The following MGMT variants were observed in gnomAD, a reference collection of about 807,000 sequenced individuals.
MGMT encodes the protein methylated-DNA--protein-cysteine methyltransferase.
In MGMT, 14 loss-of-function variants were observed where a neutral mutation model predicts 15.9. The observed-to-expected ratio is 0.88, with a 90% CI of 0.58 to 1.37. The LOEUF (loss-of-function observed/expected upper bound fraction) is 1.37, where lower values mean the gene tolerates loss of function less well. MGMT is among the 40% of genes most tolerant of loss of function. The pLI is 0.00. For missense variants in MGMT, 282 were observed against 268.1 expected (o/e 1.05, Z -0.36); for synonymous variants, 130 against 118.2 (o/e 1.10, Z -0.65).
At chr10:129,615,461 A>G (rs1847014114) in intron 2 of MGMT, among the ~76,000 whole-genome samples, 1 of 152,112 alleles carries the variant, frequency 6.6e-6, no homozygotes, top group African/African-American at 2.4e-5. Context: ...TCATCTCCAG[A>G]GTCATCTGAC....
intron 4 of MGMT, among the ~76,000 whole-genome samples, chr10:129,766,374 C>T (rs539338864): frequency 6.6e-6 from 1 of 152,204 alleles, no homozygotes; most frequent in African/African-American, 2.4e-5. Flanking sequence ...CTGATGCGTC[C>T]TGTGATGCCT....
chr10:129,658,896 G>C (rs557951001), intron 2 of MGMT, among the ~76,000 whole-genome samples: 4 of 152,130 alleles, frequency 2.6e-5, no homozygotes, highest in African/African-American at 9.7e-5. Flanking sequence ...ACTGTAAGCT[G>C]TAGCATTCAA....
At chr10:129,511,671 G>A (rs776858123) in intron 1 of MGMT, among the ~76,000 whole-genome samples, 59 of 152,280 alleles carry the variant, frequency 3.9e-4, no homozygotes, top group Non-Finnish European at 7.4e-4. Context: ...GACCTTCCCA[G>A]GGCTATTGGG....
chr10:129,639,538 A>G (rs1847303296), intron 2 of MGMT, among the ~76,000 whole-genome samples: 1 of 152,240 alleles, frequency 6.6e-6, no homozygotes, highest in Admixed American at 6.5e-5. Context: ...AATACACTTA[A>G]CAAAGGCCAA....
chr10:129,592,496 A>G (rs1846698280), intron 2 of MGMT, among the ~76,000 whole-genome samples: 1 of 152,226 alleles, frequency 6.6e-6, no homozygotes, highest in Admixed American at 6.5e-5. Context: ...ATGCCTGGGT[A>G]AAAATCCAAA....
At chr10:129,473,022 T>C (rs1464254223) in intron 1 of MGMT, among the ~76,000 whole-genome samples, 3 of 152,210 alleles carry the variant, frequency 2.0e-5, no homozygotes, top group Non-Finnish European at 4.4e-5. Flanking sequence ...CAGGTGGGCT[T>C]CATGTGTGCT....
intron 3 of MGMT, among the ~76,000 whole-genome samples, chr10:129,733,946 T>C (rs1270648450): frequency 6.6e-6 from 1 of 151,938 alleles, no homozygotes; most frequent in Non-Finnish European, 1.5e-5. Flanking sequence ...AGTACCATGC[T>C]GTTTTGGTTA....
intron 3 of MGMT, among the ~76,000 whole-genome samples, chr10:129,747,638 T>C (rs1848709462): frequency 6.6e-6 from 1 of 152,238 alleles, no homozygotes; most frequent in Admixed American, 6.5e-5. Context: ...ATTAGTACGG[T>C]ACATGTGTTA....
In MGMT at chr10:129,768,171, A is replaced by G. The variant is rs1848960484; in HGVS notation, c.*1174A>G. 6.6e-6 allele frequency among the ~76,000 whole-genome samples: 1 copy of G among 152,240 alleles called. No homozygotes were observed. Among genetic ancestry groups the G allele is most frequent in the South Asian group, 2.1e-4 (1 of 4,834 alleles). ...GAGGCCTGGATGAAAATGTGGCCTC[A>G]CGATGTGTATGGTTGGGACCCGCCT... On this transcript the variant is annotated 3_prime_UTR_variant, in exon 5 of 5. Coordinates refer to ENST00000651593, the MANE Select transcript of MGMT (RefSeq NM_002412.5).
At chr10:129,661,159 T>C (rs926646666) in intron 2 of MGMT, among the ~76,000 whole-genome samples, 2 of 152,220 alleles carry the variant, frequency 1.3e-5, no homozygotes, top group Non-Finnish European at 2.9e-5. Flanking sequence ...TATTATGGAT[T>C]ACTGTAATTT....
intron 2 of MGMT, chr10:129,537,214 G>A (rs117199757): frequency 6.6e-6 from 1 of 151,778 alleles, no homozygotes; most frequent in Non-Finnish European, 1.5e-5. Flanking sequence ...TAAACACAAT[G>A]CCAAGAACAT....
chr10:129,558,357 A>G (rs946762477), intron 2 of MGMT, among the ~76,000 whole-genome samples: 1 of 152,166 alleles, frequency 6.6e-6, no homozygotes, highest in African/African-American at 2.4e-5. Flanking sequence ...TAGGATGCAA[A>G]TAGGAAGATT....
chr10:129,595,726 A>G (rs780352175), intron 2 of MGMT, among the ~76,000 whole-genome samples: 19 of 152,230 alleles, frequency 1.2e-4, no homozygotes, highest in African/African-American at 3.4e-4. Flanking sequence ...TGATTTTTCA[A>G]ATCCCTGGCA....
At chr10:129,617,603 C>CT (rs36031342) in intron 2 of MGMT, among the ~76,000 whole-genome samples, 6 of 151,974 alleles carry the variant, frequency 3.9e-5, no homozygotes, top group African/African-American at 1.5e-4. Context: ...TATTTTTTGA[C>CT]TTTTTAATAA....
At chr10:129,487,988 CACACACACATAGGTAT>C (rs1845428520) in intron 1 of MGMT, among the ~76,000 whole-genome samples, 3 of 130,496 alleles carry the variant, frequency 2.3e-5, no homozygotes, top group Admixed American at 1.5e-4. Flanking sequence ...TATACACACA[CACACACACATAGGTAT>C]ACACACACAC....
At chr10:129,752,033 TA>T in intron 3 of MGMT, among the ~76,000 whole-genome samples, 1 of 152,124 alleles carries the variant, frequency 6.6e-6, no homozygotes, top group Non-Finnish European at 1.5e-5. Context: ...CGGTTGATAA[TA>T]TTTTTTATTT....
At chr10:129,678,644 T>C (rs1847813054) in intron 2 of MGMT, among the ~76,000 whole-genome samples, 2 of 152,124 alleles carry the variant, frequency 1.3e-5, no homozygotes, top group Non-Finnish European at 2.9e-5. Flanking sequence ...AAACTGCATG[T>C]AAAAAATGTA....
intron 2 of MGMT, among the ~76,000 whole-genome samples, chr10:129,570,074 GGCCCTT>G (rs1160908645): frequency 2.0e-5 from 3 of 152,334 alleles, no homozygotes; most frequent in African/African-American, 7.2e-5. Context: ...TTATCTCCAT[GGCCCTT>G]GGCCACAGCA....
chr10:129,680,811 G>A (rs1016642038), intron 2 of MGMT, among the ~76,000 whole-genome samples: 5 of 152,280 alleles, frequency 3.3e-5, no homozygotes, highest in East Asian at 1.9e-4. Flanking sequence ...TGTGCCCAGC[G>A]CCATCGCCAC....
Sources: allele counts gnomAD v4.1 joint callset (sites outside exome capture counted in the v4.1 genomes callset), GRCh38; gene constraint gnomAD v4.1.1; transcripts MANE v1.5; gene names NCBI Gene and HGNC (gene_info 2026-07-23, HGNC 2026-07-21).